The following IMP4 variants were observed in gnomAD, a reference collection of about 807,000 sequenced individuals.
IMP4 encodes the protein U3 small nucleolar ribonucleoprotein IMP4.
A neutral mutation model predicts 42.7 loss-of-function variants in IMP4; 30 were observed. That is an observed-to-expected ratio of 0.70 (90% CI 0.53 to 0.95). The LOEUF is 0.95. Ranked by LOEUF, IMP4 falls within the 40% of genes least tolerant of loss-of-function variation. IMP4 has a pLI of 0.00. For synonymous variants in IMP4, 165 were observed against 165.2 expected (o/e 1.00, Z 0.01); for missense variants, 382 against 411.4 (o/e 0.93, Z 0.62).
chr2:130,345,924 G>A lies in IMP4; in HGVS notation c.585G>A (p.Leu195=), dbSNP rs1490438579. The A allele has an allele frequency of 6.2e-7, 1 of 1,614,224 alleles. No homozygotes were observed. Among genetic ancestry groups the A allele is most frequent in the Non-Finnish European group, 8.5e-7 (1 of 1,180,040 alleles). ...TCACACACGGCTTCTCCTCCCGCCT[G>A]GGCAAGCGGGTGAGTCTGGGGGCCT... ...HLITHGFSSR[L]GKRVSDILRY... Residue 195 remains leucine (L), a synonymous_variant, in exon 6 of 9, where the codon CTG becomes CTA. Coordinates refer to ENST00000259239, the MANE Select transcript of IMP4 (RefSeq NM_033416.3). The surrounding 1 kb of genome is among the most constrained non-coding windows in gnomAD (Gnocchi z 4.9).
Position 130,346,112 on chromosome 2 carries a change from G to A in IMP4, c.689G>A (p.Arg230Gln), listed in dbSNP as rs779206825. Reference sequence around the variant, plus strand: ...AACCAGGACGACTACATATCATTCCGGTGGGTCCACGGGCCATGCCCCAGG... The same window carrying A: ...AACCAGGACGACTACATATCATTCCAGTGGGTCCACGGGCCATGCCCCAGG... ...FANQDDYISF[R>Q]HHVYKKTDHR... Residue 230 changes from arginine to glutamine, a missense_variant and splice_region_variant, in exon 7 of 9, where the codon CGG becomes CAG. Transcript: ENST00000259239. The A allele has an allele frequency of 8.1e-6, 13 of 1,613,908 alleles. No individual in the cohort carries two copies. Among genetic ancestry groups the A allele is most frequent in the Non-Finnish European group, 1.1e-5 (13 of 1,179,910 alleles).
chr2:130,342,929 C>G lies in IMP4; in HGVS notation c.-4C>G. The G allele has an allele frequency of 1.2e-6, 2 of 1,614,122 alleles. No homozygotes were observed. The highest frequency in any genetic ancestry group is 1.7e-6 in the Non-Finnish European group (2 of 1,179,986). ...CCCGGACCCACGTGGAAGCGGCACT[C>G]AAGATGGTAGGAGAATGAGCTCCTG... On this transcript the variant is annotated 5_prime_UTR_variant, in exon 1 of 9. Coordinates refer to ENST00000259239, the MANE Select transcript of IMP4 (RefSeq NM_033416.3).
At position 130,344,608 on chromosome 2, in the gene IMP4, C is replaced by T. The variant is rs768796340; in HGVS notation, c.113-21C>T. The T allele has an allele frequency of 5.1e-6, 8 of 1,572,124 alleles. No individual in the cohort carries two copies. In the East Asian group the frequency reaches 1.8e-4, roughly 35 times the overall value. ...TCTCCATGCTTGTGACTCACTCAGC[C>T]CCTCTCTCTTCCCTCTGCAGAAAAC... On this transcript the variant is annotated intron_variant, in intron 2 of 8. Transcript: ENST00000259239.
Position 130,346,413 on chromosome 2 carries a change from G to A in IMP4, c.821G>A (p.Arg274His), listed in dbSNP as rs775723557. Residue 274 changes from arginine to histidine, a missense_variant, in exon 9 of 9, where the codon CGC (arginine) becomes CAC (histidine). By Grantham distance (29) the Arg-to-His change is conservative. Coordinates refer to ENST00000259239, the MANE Select transcript of IMP4 (RefSeq NM_033416.3). ...GAGGCCACAGCAGACGTGGAGTGGC[G>A]CTGGCACCCTTACACCAATACCGCA... is the stretch of plus-strand genomic sequence containing the variant. ...EQEATADVEW[R>H]WHPYTNTARK... is the part of the protein sequence containing the mutation. 1.1e-5 allele frequency: 17 copies of A among 1,573,724 alleles called. No homozygotes were observed. The highest frequency in any genetic ancestry group is 1.3e-5 in the African/African-American group (1 of 74,298).
In IMP4 at chr2:130,345,442, C is replaced by T; in HGVS notation, c.263C>T (p.Thr88Ile). 1 of 1,614,082 alleles carries T rather than the reference C, an allele frequency of 6.2e-7. No individual in the cohort carries two copies. The highest frequency in any genetic ancestry group is 8.5e-7 in the Non-Finnish European group (1 of 1,180,000). The part of the protein sequence containing the change: ...AGVEDPKVMI[T>I]TSRDPSSRLK... ...GTCGAGGATCCCAAGGTTATGATCA[C>T]TACCTCCCGAGACCCCAGTTCCCGC... is the stretch of plus-strand genomic sequence containing the variant. The change falls in exon 4 of 9, where the codon ACT (threonine) becomes ATT (isoleucine). Residue 88 changes from threonine (T) to isoleucine (I), a missense_variant. Physicochemically the swap from Thr to Ile is moderately conservative, Grantham distance 89 (BLOSUM62 -1). Coordinates refer to ENST00000259239, the MANE Select transcript of IMP4 (RefSeq NM_033416.3). The surrounding 1 kb of genome is among the most constrained non-coding windows in gnomAD (Gnocchi z 4.9).
Position 130,345,907 on chromosome 2 carries a change from G to A in IMP4, c.568G>A (p.Gly190Ser), listed in dbSNP as rs142119617. The A allele has an allele frequency of 3.7e-6, 6 of 1,614,184 alleles. No homozygotes were observed. Among genetic ancestry groups the A allele is most frequent in the East Asian group, 2.2e-5 (1 of 44,878 alleles). The change falls in exon 6 of 9, where the codon GGC becomes AGC. Residue 190 changes from glycine to serine, a missense_variant. Physicochemically the swap from Gly to Ser is moderately conservative, Grantham distance 56. Transcript: ENST00000259239. The surrounding 1 kb of genome is among the most constrained non-coding windows in gnomAD (Gnocchi z 4.9). ...GGCCAAGCCCCACCTCATCACACAC[G>A]GCTTCTCCTCCCGCCTGGGCAAGCG... is the stretch of plus-strand genomic sequence containing the variant. ...SEAKPHLITH[G>S]FSSRLGKRVS...
At chr2:130,342,976 G>C (rs778479494) in intron 1 of IMP4, 41 bp downstream of exon 1, 15 of 1,614,110 alleles carry the variant, frequency 9.3e-6, no homozygotes, top group Admixed American at 3.3e-5. Context: ...CGGGGCGCGT[G>C]AAGTGCTGGG....
At chr2:130,346,138 A>T (rs747559418) in intron 7 of IMP4, 26 bp downstream of exon 7, 1 of 1,613,230 alleles carries the variant, frequency 6.2e-7, no homozygotes, top group South Asian at 1.1e-5. Context: ...ATGCCCCAGG[A>T]AAGCATCCCC....
At position 130,345,569 on chromosome 2, in the gene IMP4, G is replaced by A. The variant is rs754384595; in HGVS notation, c.309G>A (p.Glu103=). The A allele has an allele frequency of 2.4e-5, 39 of 1,614,068 alleles. No individual in the cohort carries two copies. The Middle Eastern group carries it at 1.5e-3, about 61-fold the overall frequency. ...TGTACACTGCCATCCACGCCCAGGA[G>A]CTGAAGCTGGTGTTCCCGGGCGCCC... The part of the protein sequence containing the change: ...PSSRLKMFAK[E]LKLVFPGAQR... The change falls in exon 5 of 9, where the codon GAG becomes GAA. Residue 103 remains glutamate, a splice_region_variant and synonymous_variant. Coordinates refer to ENST00000259239, the MANE Select transcript of IMP4 (RefSeq NM_033416.3). The surrounding 1 kb of genome is among the most constrained non-coding windows in gnomAD (Gnocchi z 4.9).
Position 130,345,747 on chromosome 2 carries a change from C to G in IMP4, c.440-32C>G. ...GGGGTGGGAGCCGTCTGAGGGCAGA[C>G]GGGGTCTCTGACAGCCACCTTTCCC... On this transcript the variant is annotated intron_variant, in intron 5 of 8. Coordinates refer to ENST00000259239, the MANE Select transcript of IMP4 (RefSeq NM_033416.3). The surrounding 1 kb of genome is among the most constrained non-coding windows in gnomAD (Gnocchi z 4.9). 1 of 1,612,410 alleles carries G rather than the reference C, an allele frequency of 6.2e-7. No homozygotes were observed. Among genetic ancestry groups the G allele is most frequent in the African/African-American group, 1.3e-5 (1 of 75,014 alleles).
intron 2 of IMP4, among the ~76,000 whole-genome samples, chr2:130,344,245 G>A (rs1359987623): frequency 6.6e-6 from 1 of 151,990 alleles, no homozygotes; most frequent in East Asian, 1.9e-4. Flanking sequence ...GGAGAATGGC[G>A]TGAACCCAGG....
intron 3 of IMP4, 186 bp downstream of exon 3, chr2:130,344,898 T>G (rs2104891419): frequency 1.7e-6 from 1 of 603,568 alleles, no homozygotes; most frequent in South Asian, 2.0e-5. Context: ...ATGGCACACA[T>G]GGGAGTGCCT....
At position 130,345,101 on chromosome 2, in the gene IMP4, G is replaced by C; in HGVS notation, c.197-275G>C. The stretch of plus-strand genomic sequence containing the variant: ...GTTTGTCACCGTTGGCCTTAGCAGA[G>C]TGTGGATTTCGTTGTGTAATGGAGT... On this transcript the variant is annotated intron_variant, in intron 3 of 8. Coordinates refer to ENST00000259239, the MANE Select transcript of IMP4 (RefSeq NM_033416.3). The surrounding 1 kb of genome is among the most constrained non-coding windows in gnomAD (Gnocchi z 4.9). 3 of 567,484 alleles carry C rather than the reference G, an allele frequency of 5.3e-6. No homozygotes were observed. The East Asian group carries it at 8.9e-5, about 17-fold the overall frequency. The allele number at this position is 567,484 out of a possible 1,614,324, so 35.2% of individuals were successfully genotyped here.
Position 130,344,688 on chromosome 2 carries a change from G to A in IMP4, c.172G>A (p.Glu58Lys). 6.2e-7 allele frequency: 1 copy of A among 1,613,794 alleles called. No individual in the cohort carries two copies. Among genetic ancestry groups the A allele is most frequent in the South Asian group, 1.1e-5 (1 of 91,068 alleles). The change falls in exon 3 of 9, where the codon GAG becomes AAG. Residue 58 changes from glutamate (E) to lysine (K), a missense_variant. Physicochemically the swap from Glu to Lys is moderately conservative, Grantham distance 56 (BLOSUM62 1). Transcript: ENST00000259239. ...REALALQGSL[E>K]FDDAGGEGVT... ...GGCTCTGGCCTTACAGGGGTCCCTG[G>A]AGTTTGATGATGCTGGAGGTGAAGG...
At chr2:130,343,738 CAAAAAAAA>C (rs1228648066) in intron 2 of IMP4, among the ~76,000 whole-genome samples, 1 of 81,200 alleles carries the variant, frequency 1.2e-5, no homozygotes, top group African/African-American at 4.2e-5. Context: ...GACTCCGTCT[CAAAAAAAA>C]AAAAAAAAAG....
chr2:130,346,833 G>A lies in IMP4; in HGVS notation c.*365G>A. On this transcript the variant is annotated 3_prime_UTR_variant, in exon 9 of 9. Coordinates refer to ENST00000259239, the MANE Select transcript of IMP4 (RefSeq NM_033416.3). Reference sequence around the variant, plus strand: ...GATGTGGGTAGCAGGGCCAGCCTGTGTCAGGGGCAGCCCACCAAGTTAACT... The same window carrying A: ...GATGTGGGTAGCAGGGCCAGCCTGTATCAGGGGCAGCCCACCAAGTTAACT... 3.3e-6 allele frequency: 1 copy of A among 299,978 alleles called. No individual in the cohort carries two copies. Among genetic ancestry groups the A allele is most frequent in the Non-Finnish European group, 6.5e-6 (1 of 154,546 alleles). The allele number at this position is 299,978 out of a possible 1,614,324, so 18.6% of individuals were successfully genotyped here.
At chr2:130,342,977 A>C (rs1286430100) in intron 1 of IMP4, 42 bp downstream of exon 1, 2 of 1,614,000 alleles carry the variant, frequency 1.2e-6, no homozygotes, top group Non-Finnish European at 1.7e-6. Context: ...GGGGCGCGTG[A>C]AGTGCTGGGG....
Position 130,346,201 on chromosome 2 carries a change from G to C in IMP4, c.690G>C (p.Arg230=), listed in dbSNP as rs1679552137. 1.2e-6 allele frequency: 2 copies of C among 1,614,166 alleles called. No homozygotes were observed. Among genetic ancestry groups the C allele is most frequent in the South Asian group, 1.1e-5 (1 of 91,088 alleles). The stretch of plus-strand genomic sequence containing the variant: ...TTGACCCACAGCTGTTCCCTCCCAG[G>C]CACCATGTGTATAAGAAGACAGACC... ...FANQDDYISF[R]HHVYKKTDHR... is the part of the protein sequence containing the mutation. Residue 230 remains arginine, a splice_region_variant and synonymous_variant, in exon 8 of 9, where the codon CGG becomes CGC. Transcript: ENST00000259239.
rs769619902 is a variant in IMP4, at chr2:130,343,126, G to A, written c.44G>A (p.Arg15His). Reference sequence around the variant, plus strand: ...CGCCTGCGCCGCGAGTACCTGTACCGCAAGGCCCGGGAGGAGGCGCAGCGC... The same window carrying A: ...CGCCTGCGCCGCGAGTACCTGTACCACAAGGCCCGGGAGGAGGCGCAGCGC... ...EARLRREYLY[R>H]KAREEAQRSA... Residue 15 changes from arginine (R) to histidine (H), a missense_variant, in exon 2 of 9, where the codon CGC becomes CAC. Physicochemically the swap from Arg to His is conservative, Grantham distance 29. Coordinates refer to ENST00000259239, the MANE Select transcript of IMP4 (RefSeq NM_033416.3). The A allele has an allele frequency of 6.4e-7, 1 of 1,554,222 alleles. No individual in the cohort carries two copies. Among genetic ancestry groups the A allele is most frequent in the Non-Finnish European group, 8.7e-7 (1 of 1,147,980 alleles).
Sources: gnomAD v4.1 joint callset for allele counts (sites outside exome capture counted in the v4.1 genomes callset) on GRCh38, gnomAD v4.1.1 for gene constraint, Gnocchi (gnomAD v3.1) non-coding constraint, MANE v1.5 for transcripts, NCBI Gene and HGNC (gene_info 2026-07-23, HGNC 2026-07-21) for gene names.